The following CSMD1 variants were observed in gnomAD, a reference collection of about 807,000 sequenced individuals.
The protein encoded by CSMD1 is CUB and Sushi multiple domains 1.
A neutral mutation model predicts 417.5 loss-of-function variants in CSMD1; 213 were observed. The ratio of observed to expected loss-of-function variants is 0.51; its 90% CI spans 0.46 to 0.57. CSMD1 has a LOEUF of 0.57. Ranked by LOEUF, CSMD1 falls within the 20% of genes least tolerant of loss-of-function variation. CSMD1 has a pLI of 0.00. For missense variants in CSMD1, 6,923 were observed against 4,529.7 expected (o/e 1.53, Z -15.17); for synonymous variants, 2,862 against 1,736.8 (o/e 1.65, Z -16.11).
chr8:3,550,748 C>T (rs766133501), intron 10 of CSMD1, among the ~76,000 whole-genome samples: 11 of 152,192 alleles, frequency 7.2e-5, no homozygotes, highest in Non-Finnish European at 1.5e-4. Context: ...AGCTTCATGG[C>T]CAACCAGGCT....
intron 5 of CSMD1, among the ~76,000 whole-genome samples, chr8:3,971,808 T>G (rs1813108913): frequency 6.6e-6 from 1 of 152,194 alleles, no homozygotes; most frequent in South Asian, 2.1e-4. Context: ...ATTAACTTAC[T>G]TTCTCTGTCT....
intron 54 of CSMD1, among the ~76,000 whole-genome samples, chr8:2,983,477 C>T (rs563742304): frequency 6.6e-6 from 1 of 152,248 alleles, no homozygotes; most frequent in African/African-American, 2.4e-5. Context: ...TGAGCCACCT[C>T]GCCCAGTCTT....
intron 1 of CSMD1, chr8:4,788,169 G>A (rs187177934): frequency 1.2e-4 from 196 of 1,596,550 alleles, no homozygotes; most frequent in Non-Finnish European, 1.6e-4. Flanking sequence ...AATCAAGAAG[G>A]CCTGTGGAAA....
At chr8:3,281,700 A>C (rs1480034131) in intron 26 of CSMD1, among the ~76,000 whole-genome samples, 1 of 152,200 alleles carries the variant, frequency 6.6e-6, no homozygotes. Flanking sequence ...CAGGCAGAAC[A>C]CAGGGAATTG....
intron 3 of CSMD1, among the ~76,000 whole-genome samples, chr8:4,154,181 C>G (rs1426367802): frequency 6.6e-6 from 1 of 152,112 alleles, no homozygotes; most frequent in African/African-American, 2.4e-5. Context: ...GATCTATAAC[C>G]TTAGATGCCA....
chr8:4,229,295 T>C (rs2656276), intron 3 of CSMD1, among the ~76,000 whole-genome samples: 15,678 of 152,222 alleles, frequency 0.1, 934 homozygotes, highest in African/African-American at 0.17. Context: ...CTTCAGTGGC[T>C]TGAGCCACCA....
chr8:4,077,118 T>C (rs1799859749), intron 3 of CSMD1, among the ~76,000 whole-genome samples: 1 of 151,662 alleles, frequency 6.6e-6, no homozygotes, highest in South Asian at 2.1e-4. Flanking sequence ...ATTTTAGTGA[T>C]GAGTATGATG....
intron 30 of CSMD1, among the ~76,000 whole-genome samples, chr8:3,210,139 T>G (rs917884066): frequency 6.6e-6 from 1 of 152,192 alleles, no homozygotes; most frequent in Admixed American, 6.5e-5. Context: ...GCCCCGAGGT[T>G]AACTGTTGAT....
chr8:3,611,334 AGGGCTT>A (rs1801884224), intron 8 of CSMD1, among the ~76,000 whole-genome samples: 1 of 152,118 alleles, frequency 6.6e-6, no homozygotes, highest in Non-Finnish European at 1.5e-5. Context: ...ATGTGTCTCT[AGGGCTT>A]GGTGAAGCCT....
At chr8:3,785,744 G>C (rs1165970004) in intron 5 of CSMD1, among the ~76,000 whole-genome samples, 3 of 152,146 alleles carry the variant, frequency 2.0e-5, no homozygotes, top group Admixed American at 1.3e-4. Context: ...GGGGAGCCAG[G>C]AGCTAGGAAG....
chr8:3,438,103 A>C (rs1585164438), intron 12 of CSMD1, among the ~76,000 whole-genome samples: 1 of 152,314 alleles, frequency 6.6e-6, no homozygotes, highest in East Asian at 1.9e-4. Flanking sequence ...AGCTATTAAA[A>C]TTATTTGAAT....
chr8:3,888,234 T>C (rs987848313), intron 5 of CSMD1, among the ~76,000 whole-genome samples: 1 of 152,144 alleles, frequency 6.6e-6, no homozygotes, highest in African/African-American at 2.4e-5. Context: ...GTTAGAGGAA[T>C]AAGCAAAATG....
At chr8:3,191,668 G>A (rs970226958) in intron 33 of CSMD1, among the ~76,000 whole-genome samples, 2 of 152,210 alleles carry the variant, frequency 1.3e-5, no homozygotes, top group South Asian at 2.1e-4. Context: ...CAGGTTGTAT[G>A]GCAGAAATTA....
At chr8:4,155,920 G>A (rs907944254) in intron 3 of CSMD1, among the ~76,000 whole-genome samples, 2 of 152,148 alleles carry the variant, frequency 1.3e-5, no homozygotes, top group African/African-American at 2.4e-5. Flanking sequence ...AGCTTTTGAG[G>A]AATGCACAGC....
chr8:4,444,768 C>G (rs62481012), intron 2 of CSMD1, among the ~76,000 whole-genome samples: 14,079 of 152,182 alleles, frequency 0.093, 824 homozygotes, highest in East Asian at 0.15. Context: ...CTAATTTTCC[C>G]TGATTTGACT....
intron 3 of CSMD1, among the ~76,000 whole-genome samples, chr8:4,113,357 C>A (rs1801959749): frequency 7.2e-6 from 1 of 139,518 alleles, no homozygotes; most frequent in African/African-American, 2.7e-5. Context: ...GCTGTGAGTG[C>A]AAATAAAATG....
intron 1 of CSMD1, among the ~76,000 whole-genome samples, chr8:4,751,392 G>T (rs966860507): frequency 6.9e-5 from 7 of 100,992 alleles, no homozygotes; most frequent in South Asian, 2.7e-4. Flanking sequence ...CTCTGTCTCA[G>T]GGGGGGTGGC....
intron 2 of CSMD1, among the ~76,000 whole-genome samples, chr8:4,457,770 T>A (rs1043101179): frequency 6.6e-6 from 1 of 152,196 alleles, no homozygotes; most frequent in Admixed American, 6.5e-5. Context: ...ACCTCTTCAC[T>A]GGCTGCTTCT....
At chr8:4,155,632 G>C (rs1035000365) in intron 3 of CSMD1, among the ~76,000 whole-genome samples, 4 of 152,088 alleles carry the variant, frequency 2.6e-5, no homozygotes, top group South Asian at 4.1e-4. Flanking sequence ...ATCACTCTTG[G>C]TTAGCTGATG....
Sources: gnomAD v4.1 joint callset for allele counts (sites outside exome capture counted in the v4.1 genomes callset) on GRCh38, gnomAD v4.1.1 for gene constraint, MANE v1.5 for transcripts, NCBI Gene and HGNC (gene_info 2026-07-23, HGNC 2026-07-21) for gene names.